Variants in ZNF157 observed in about 807,000 individuals in gnomAD.
ZNF157 encodes the protein zinc finger protein 157, also known as zinc finger protein 22.
In ZNF157, 8 loss-of-function variants were observed where a neutral mutation model predicts 9.4. The observed-to-expected ratio is 0.85, with a 90% CI of 0.50 to 1.53. The LOEUF is 1.53. ZNF157 is among the 40% of genes most tolerant of loss of function. The pLI is 0.00. For synonymous variants in ZNF157, 120 were observed against 130.8 expected (o/e 0.92, Z 0.56); for missense variants, 316 against 385.2 (o/e 0.82, Z 1.50).
intron 1 of ZNF157, among the ~76,000 whole-genome samples, 168 bp downstream of exon 1, chrX:47,370,908 C>T (rs1419512567): frequency 9.0e-6 from 1 of 111,444 alleles, no homozygotes; most frequent in African/African-American, 3.3e-5. Flanking sequence ...ACATGCAGAG[C>T]ATTTCCATCC....
Position 47,410,728 on chromosome X carries a change from A to G in ZNF157, c.248A>G (p.Glu83Gly), listed in dbSNP as rs2055961958. Residue 83 changes from glutamate to glycine, a missense_variant, in exon 3 of 4, where the codon GAA becomes GGA. By Grantham distance (98) the Glu-to-Gly change is moderately conservative. This residue lies in a region of ZNF157 where 146 missense variants were observed against 183.8 expected (regional missense o/e 0.79). Transcript: ENST00000377073. ...PEMIFKLERG[E>G]ELWILEEESS... ...ATGATCTTCAAGTTGGAGCGAGGAGAAGAGCTGTGGATATTAGAGGAGGAA... is the reference window on the plus strand; with the variant it reads ...ATGATCTTCAAGTTGGAGCGAGGAGGAGAGCTGTGGATATTAGAGGAGGAA... 2 of 1,208,025 alleles carry G rather than the reference A, an allele frequency of 1.7e-6. No homozygotes were observed. Among genetic ancestry groups the G allele is most frequent in the Non-Finnish European group, 2.2e-6 (2 of 893,862 alleles).
rs1176863529 is a variant in ZNF157, at chrX:47,413,917, A to G, written c.*323A>G. The G allele has an allele frequency of 6.9e-6, 1 of 145,865 alleles. No individual in the cohort carries two copies. The highest frequency in any genetic ancestry group is 8.3e-5 in the Admixed American group (1 of 12,119). 12.0% of individuals were successfully genotyped at this position (145,865 alleles called of 1,213,427 possible). Reference sequence around the variant, plus strand: ...AGAATATAAAAATCCTTTTTTTTTCAGTCATATGTGTTGCAAATATCTTCT... The same window carrying G: ...AGAATATAAAAATCCTTTTTTTTTCGGTCATATGTGTTGCAAATATCTTCT... On this transcript the variant is annotated 3_prime_UTR_variant, in exon 4 of 4. Transcript: ENST00000377073.
At chrX:47,371,936 C>T (rs1197644856) in intron 1 of ZNF157, among the ~76,000 whole-genome samples, 4 of 111,735 alleles carry the variant, frequency 3.6e-5, no homozygotes, top group South Asian at 7.4e-4. Context: ...ACTTTTCCAT[C>T]GCATGGATGT....
At chrX:47,406,927 G>T (rs899139628) in intron 1 of ZNF157, among the ~76,000 whole-genome samples, 1 of 111,965 alleles carries the variant, frequency 8.9e-6, no homozygotes, top group African/African-American at 3.2e-5. Flanking sequence ...CCTTTTTCCT[G>T]ATCTTCTAGG....
At chrX:47,384,205 A>C (rs758771667) in intron 1 of ZNF157, among the ~76,000 whole-genome samples, 173 of 111,224 alleles carry the variant, frequency 1.6e-3, no homozygotes, top group African/African-American at 5.4e-3. Flanking sequence ...GCGCCACTGC[A>C]CTCCAGTCTA....
intron 1 of ZNF157, among the ~76,000 whole-genome samples, chrX:47,393,815 C>A (rs1408573134): frequency 9.7e-6 from 1 of 102,940 alleles, no homozygotes; most frequent in Admixed American, 1.1e-4. Flanking sequence ...AACCACTGAC[C>A]ACTGGTGATC....
chrX:47,387,886 C>CAAAAAAAA (rs781763726), intron 1 of ZNF157, among the ~76,000 whole-genome samples: 1 of 34,536 alleles, frequency 2.9e-5, no homozygotes, highest in African/African-American at 1.2e-4. Flanking sequence ...GACTCTGTCT[C>CAAAAAAAA]AAAAAAAAAA....
At chrX:47,382,168 C>T (rs886126045) in intron 1 of ZNF157, among the ~76,000 whole-genome samples, 10 of 110,450 alleles carry the variant, frequency 9.1e-5, no homozygotes, top group Non-Finnish European at 1.9e-4. Context: ...CAATCAGATA[C>T]CCATTTGTCT....
At chrX:47,401,428 C>T (rs1365721754) in intron 1 of ZNF157, among the ~76,000 whole-genome samples, 2 of 112,171 alleles carry the variant, frequency 1.8e-5, no homozygotes, top group Non-Finnish European at 3.8e-5. Context: ...CAGACATAGC[C>T]TGCGTAAATA....
Position 47,381,532 on chromosome X carries a change from A to G in ZNF157, c.72+10792A>G, listed in dbSNP as rs553573419. Among the ~76,000 whole-genome samples, 41 of 112,263 alleles carry G rather than the reference A, an allele frequency of 3.7e-4. 1 individual carries two copies. The Admixed American group carries it at 3.8e-3, about 10-fold the overall frequency. On this transcript the variant is annotated intron_variant, in intron 1 of 3. Coordinates refer to ENST00000377073, the MANE Select transcript of ZNF157 (RefSeq NM_003446.4). ...TTTTGGTGCTAACGTAAATGGTATT[A>G]TGTTTTTAATTTTAAATATCAATTG... is the stretch of plus-strand genomic sequence containing the variant.
chrX:47,391,458 A>G (rs1383131559), intron 1 of ZNF157: 1 of 112,364 alleles, frequency 8.9e-6, no homozygotes, highest in Non-Finnish European at 1.9e-5. Flanking sequence ...TCTGAATCCA[A>G]AATGCTTTAA....
In ZNF157 at chrX:47,401,415, A is replaced by G. The variant is rs1049095620; in HGVS notation, c.73-8861A>G. Among the ~76,000 whole-genome samples, 3 of 112,202 alleles carry G rather than the reference A, an allele frequency of 2.7e-5. No homozygotes were observed. In the Admixed American group the frequency reaches 2.9e-4, roughly 11 times the overall value. ...ATCAAGAGAGTGTCTGCTCTTTGCA[A>G]TTCAGACATAGCCTGCGTAAATATG... On this transcript the variant is annotated intron_variant, in intron 1 of 3. Transcript: ENST00000377073.
At chrX:47,374,519 C>T (rs2055837873) in intron 1 of ZNF157, among the ~76,000 whole-genome samples, 2 of 104,504 alleles carry the variant, frequency 1.9e-5, no homozygotes, top group Admixed American at 2.1e-4. Flanking sequence ...ATGCCTTAGC[C>T]TCCTGAGTAG....
Position 47,401,729 on chromosome X carries a change from C to T in ZNF157, c.73-8547C>T, listed in dbSNP as rs775954332. 1.8e-3 allele frequency among the ~76,000 whole-genome samples: 198 copies of T among 111,654 alleles called. 1 individual carries two copies. Among genetic ancestry groups the T allele is most frequent in the African/African-American group, 6.1e-3 (188 of 30,825 alleles). Reference sequence around the variant, plus strand: ...TGTCACTATTCTATTTAAGTCAGTCCTAGCTTGCTCTTCAGTTTTTTGTTT... The same window carrying T: ...TGTCACTATTCTATTTAAGTCAGTCTTAGCTTGCTCTTCAGTTTTTTGTTT... On this transcript the variant is annotated intron_variant, in intron 1 of 3. Transcript: ENST00000377073.
intron 1 of ZNF157, among the ~76,000 whole-genome samples, chrX:47,400,636 G>GT (rs1602770673): frequency 9.0e-6 from 1 of 111,568 alleles, no homozygotes; most frequent in Admixed American, 9.7e-5. Context: ...AATTGGTGTA[G>GT]TATCTTCTGT....
Position 47,381,237 on chromosome X carries a change from G to A in ZNF157, c.72+10497G>A, listed in dbSNP as rs749806958. On this transcript the variant is annotated intron_variant, in intron 1 of 3. Transcript: ENST00000377073. ...AGGAGCAGCAGGAGGAAGAGGAGCAGGAGGAGGAGCAGGGAGCAATTATTA... is the reference window on the plus strand; with the variant it reads ...AGGAGCAGCAGGAGGAAGAGGAGCAAGAGGAGGAGCAGGGAGCAATTATTA... Among the ~76,000 whole-genome samples the A allele has an allele frequency of 5.4e-5, 6 of 110,561 alleles. No homozygotes were observed. The South Asian group carries it at 2.3e-3, about 43-fold the overall frequency.
At chrX:47,396,058 A>G (rs1414745825) in intron 1 of ZNF157, among the ~76,000 whole-genome samples, 1 of 111,581 alleles carries the variant, frequency 9.0e-6, no homozygotes, top group Non-Finnish European at 1.9e-5. Flanking sequence ...AATACTTGTG[A>G]TGTATATGCA....
At chrX:47,372,122 A>G (rs999462401) in intron 1 of ZNF157, among the ~76,000 whole-genome samples, 1 of 110,868 alleles carries the variant, frequency 9.0e-6, no homozygotes, top group Non-Finnish European at 1.9e-5. Flanking sequence ...GGAATCTCTA[A>G]AGTACTAAAG....
intron 1 of ZNF157, among the ~76,000 whole-genome samples, chrX:47,404,371 G>A (rs1348474666): frequency 9.2e-6 from 1 of 108,758 alleles, no homozygotes; most frequent in Non-Finnish European, 1.9e-5. Context: ...CACCATGTTG[G>A]CCAGGCTGGT....
Sources: gnomAD v4.1 joint callset for allele counts (sites outside exome capture counted in the v4.1 genomes callset) on GRCh38, gnomAD v4.1.1 for gene constraint, gnomAD v4.1.1 regional missense constraint, MANE v1.5 for transcripts, NCBI Gene and HGNC (gene_info 2026-07-23, HGNC 2026-07-21) for gene names.